KIAA0319L: variants seen among roughly 807,000 people sequenced by gnomAD.
KIAA0319L encodes dyslexia-associated protein KIAA0319-like protein.
A neutral mutation model predicts 120.1 loss-of-function variants in KIAA0319L; 55 were observed. That is an observed-to-expected ratio of 0.46 (90% confidence interval 0.37 to 0.57). The LOEUF (loss-of-function observed/expected upper bound fraction) is 0.57. KIAA0319L is among the 20% of genes least tolerant of loss of function. The pLI, the probability that KIAA0319L is intolerant of heterozygous loss-of-function variation, is 0.00. For synonymous variants in KIAA0319L, 398 were observed against 471.9 expected (o/e 0.84, Z 2.03); for missense variants, 1,049 against 1,255.3 (o/e 0.84, Z 2.48).
At position 35,448,326 on chromosome 1, in the gene KIAA0319L, C is replaced by T. The variant is rs747570768; in HGVS notation, c.2360G>A (p.Arg787Lys). The T allele has an allele frequency of 1.2e-6, 2 of 1,613,534 alleles. No individual in the cohort carries two copies. Among genetic ancestry groups the T allele is most frequent in the Non-Finnish European group, 8.5e-7 (1 of 1,179,664 alleles). Reference sequence around the variant, plus strand: ...GATGATCTCCACCAGGTTGTTTTTCCTGGGATCTGGAAAGCATGTGGATCA... The same window carrying T: ...GATGATCTCCACCAGGTTGTTTTTCTTGGGATCTGGAAAGCATGTGGATCA... ...RTTVEVKPDPRKNNLVEIILD... is the reference protein window; with the variant it reads ...RTTVEVKPDPKKNNLVEIILD... The change falls in exon 16 of 21, where the codon AGG becomes AAG. Residue 787 changes from arginine (R) to lysine (K), a missense_variant. Arg to Lys is a conservative substitution (Grantham distance 26, BLOSUM62 2). Transcript: ENST00000325722.
rs575536131 is a variant in KIAA0319L, at chr1:35,467,854, A to C, written c.1114-1159T>G. Among the ~76,000 whole-genome samples, 443 of 152,156 alleles carry C rather than the reference A, an allele frequency of 2.9e-3. 2 individuals are homozygous for C. The highest frequency in any genetic ancestry group is 5.4e-3 in the Non-Finnish European group (365 of 67,964). ...CAGGCCTGCACCACCATTCCCAGCT[A>C]ATTTTTTATTTTTAGTAGAGACATG... is the stretch of plus-strand genomic sequence containing the variant. On this transcript the variant is annotated intron_variant, in intron 6 of 20. Coordinates refer to ENST00000325722, the MANE Select transcript of KIAA0319L (RefSeq NM_024874.5).
At chr1:35,449,659 TA>T (rs1368868516) in intron 15 of KIAA0319L, among the ~76,000 whole-genome samples, 1 of 152,158 alleles carries the variant, frequency 6.6e-6, no homozygotes, top group East Asian at 1.9e-4. Context: ...CTGAGATGAA[TA>T]GGGGGAGGTC....
intron 9 of KIAA0319L, among the ~76,000 whole-genome samples, chr1:35,457,474 G>A (rs954404576): frequency 2.0e-5 from 3 of 147,850 alleles, no homozygotes; most frequent in Admixed American, 6.8e-5. Context: ...CACAATTTGT[G>A]CCAGTGAGAC....
intron 3 of KIAA0319L, among the ~76,000 whole-genome samples, chr1:35,492,303 C>G (rs1644626173): frequency 6.6e-6 from 1 of 151,962 alleles, no homozygotes; most frequent in Non-Finnish European, 1.5e-5. Context: ...ATCACAAGGT[C>G]AGGAGTTCAA....
chr1:35,496,198 T>C (rs983949201), intron 3 of KIAA0319L, among the ~76,000 whole-genome samples: 2 of 152,144 alleles, frequency 1.3e-5, no homozygotes, highest in Non-Finnish European at 2.9e-5. Flanking sequence ...AATGGGTATA[T>C]CACTTGAGGT....
chr1:35,486,604 T>C (rs532291691), intron 3 of KIAA0319L, among the ~76,000 whole-genome samples: 28 of 151,876 alleles, frequency 1.8e-4, no homozygotes, highest in African/African-American at 3.9e-4. Flanking sequence ...TGTTTACTCA[T>C]TGAAACTATT....
At chr1:35,467,564 T>A (rs928336721) in intron 6 of KIAA0319L, among the ~76,000 whole-genome samples, 1 of 152,222 alleles carries the variant, frequency 6.6e-6, no homozygotes, top group Non-Finnish European at 1.5e-5. Flanking sequence ...AAGATCTCTA[T>A]CTTCAAGGAG....
At chr1:35,526,396 T>TATATATATACACACACATAC (rs1558596278) in intron 2 of KIAA0319L, among the ~76,000 whole-genome samples, 1 of 145,068 alleles carries the variant, frequency 6.9e-6, no homozygotes, top group African/African-American at 2.6e-5. Context: ...TACATATATA[T>TATATATATACACACACATAC]ATATATATAT....
intron 10 of KIAA0319L, 30 bp from the exon 11 acceptor site, chr1:35,454,515 T>C (rs754135217): frequency 2.5e-6 from 4 of 1,609,978 alleles, no homozygotes; most frequent in Middle Eastern, 3.3e-4. Flanking sequence ...AGTGGAAAAG[T>C]GGACTCCAGG....
chr1:35,547,271 T>A (rs542854896), intron 2 of KIAA0319L, among the ~76,000 whole-genome samples: 2 of 148,742 alleles, frequency 1.3e-5, no homozygotes, highest in East Asian at 3.9e-4. Flanking sequence ...TATTTTACTA[T>A]AGTGCAATTG....
At chr1:35,452,548 TG>T (rs1642140529) in intron 12 of KIAA0319L, among the ~76,000 whole-genome samples, 1 of 152,360 alleles carries the variant, frequency 6.6e-6, no homozygotes, top group South Asian at 2.1e-4. Flanking sequence ...CCTCTGATCC[TG>T]GTAGCTCCTC....
chr1:35,479,198 A>G lies in KIAA0319L; in HGVS notation c.681T>C (p.Ile227=). The G allele has an allele frequency of 1.2e-6, 2 of 1,613,692 alleles. No individual in the cohort carries two copies. The highest frequency in any genetic ancestry group is 8.5e-7 in the Non-Finnish European group (1 of 1,179,586). ...CTGTGGTTAGGGGACTGGAAATTGT[A>G]ATCGCCTTGTGGACCTAAAGAAATA... The part of the protein sequence containing the change: ...TSGSAEVHKA[I]TISSPLTTDL... The change falls in exon 4 of 21, where the codon ATT becomes ATC. Residue 227 remains isoleucine (I), a synonymous_variant. Transcript: ENST00000325722.
At chr1:35,544,705 T>C (rs1022334149) in intron 2 of KIAA0319L, among the ~76,000 whole-genome samples, 1 of 152,140 alleles carries the variant, frequency 6.6e-6, no homozygotes, top group East Asian at 1.9e-4. Context: ...AGTAAAATAG[T>C]TTCATGGAGT....
chr1:35,440,749 GGGGCAGTT>G (rs1641144910), intron 20 of KIAA0319L: 1 of 416,802 alleles, frequency 2.4e-6, no homozygotes. Flanking sequence ...CTGACTACCT[GGGGCAGTT>G]GGAAAAGCGG....
At chr1:35,511,350 T>C (rs1645437337) in intron 2 of KIAA0319L, 1 of 152,136 alleles carries the variant, frequency 6.6e-6, no homozygotes, top group African/African-American at 2.4e-5. Context: ...TTGCTGAAAA[T>C]CAGAAAATCC....
intron 16 of KIAA0319L, 146 bp downstream of exon 16, chr1:35,448,027 A>G (rs548274636): frequency 1.4e-5 from 11 of 759,254 alleles, no homozygotes; most frequent in Non-Finnish European, 2.4e-5. Flanking sequence ...ACTAGAAGAC[A>G]GAAGTCTATT....
chr1:35,469,264 T>C (rs1253549702), intron 6 of KIAA0319L, among the ~76,000 whole-genome samples: 1 of 152,180 alleles, frequency 6.6e-6, no homozygotes, highest in Non-Finnish European at 1.5e-5. Context: ...ATTTTACTTA[T>C]TTAGTTCTTT....
intron 2 of KIAA0319L, among the ~76,000 whole-genome samples, chr1:35,514,811 T>C (rs551373586): frequency 2.6e-5 from 4 of 152,318 alleles, no homozygotes; most frequent in Admixed American, 2.0e-4. Flanking sequence ...AACACTCCAC[T>C]GACAGTATTA....
intron 3 of KIAA0319L, among the ~76,000 whole-genome samples, chr1:35,502,599 G>A (rs1400230494): frequency 6.6e-6 from 1 of 151,962 alleles, no homozygotes; most frequent in African/African-American, 2.4e-5. Context: ...CTCTTCCACA[G>A]CTCACCCTAG....
Sources: gnomAD v4.1 joint callset for allele counts (sites outside exome capture counted in the v4.1 genomes callset) on GRCh38, gnomAD v4.1.1 for gene constraint, MANE v1.5 for transcripts, NCBI Gene and HGNC (gene_info 2026-07-23, HGNC 2026-07-21) for gene names.